CAPN5: variants seen among roughly 807,000 people sequenced by gnomAD.
The protein encoded by CAPN5 is calpain 5, also known as calpain-5.
CAPN5 carries 54 observed loss-of-function variants against 73.0 expected under a neutral mutation model. The ratio of observed to expected loss-of-function variants is 0.74; its 90% CI spans 0.59 to 0.93. The LOEUF (loss-of-function observed/expected upper bound fraction) is 0.93. Ranked by LOEUF, CAPN5 falls within the 40% of genes least tolerant of loss-of-function variation. The pLI is 0.00. For missense variants in CAPN5, 785 were observed against 882.9 expected (o/e 0.89, Z 1.41); for synonymous variants, 335 against 356.9 (o/e 0.94, Z 0.69).
rs375651367 is a variant in CAPN5, at chr11:77,073,436, C to T, written c.-36+6342C>T. On this transcript the variant is annotated intron_variant, in intron 1 of 12. Coordinates refer to ENST00000648180, the MANE Select transcript of CAPN5 (RefSeq NM_004055.5). The stretch of plus-strand genomic sequence containing the variant: ...TCCCTACACTCCCTCCTGCTCACAG[C>T]ACCCTGGGCGGGACCCAATTGCCAG... Among the ~76,000 whole-genome samples the T allele has an allele frequency of 2.2e-3, 333 of 152,332 alleles. 4 individuals are homozygous for T. Among genetic ancestry groups the T allele is most frequent in the African/African-American group, 7.5e-3 (313 of 41,578 alleles).
At chr11:77,117,193 A>G (rs1950476799) in intron 7 of CAPN5, among the ~76,000 whole-genome samples, 1 of 151,588 alleles carries the variant, frequency 6.6e-6, no homozygotes, top group African/African-American at 2.4e-5. Flanking sequence ...CCATGATCGC[A>G]CCACTGCACT....
At chr11:77,085,928 T>C (rs1240747219) in intron 2 of CAPN5, among the ~76,000 whole-genome samples, 3 of 152,158 alleles carry the variant, frequency 2.0e-5, no homozygotes, top group African/African-American at 2.4e-5. Context: ...GTCTCAAGGA[T>C]GCTCCAGGCT....
At chr11:77,089,628 TGAAG>T (rs1245336484) in intron 2 of CAPN5, among the ~76,000 whole-genome samples, 1 of 151,934 alleles carries the variant, frequency 6.6e-6, no homozygotes, top group African/African-American at 2.4e-5. Flanking sequence ...GGGAGACAGG[TGAAG>T]GAAGGATGGC....
intron 1 of CAPN5, among the ~76,000 whole-genome samples, chr11:77,071,219 C>T (rs765017935): frequency 8.0e-4 from 122 of 152,318 alleles, no homozygotes; most frequent in Non-Finnish European, 1.3e-3. Flanking sequence ...TGTCTCCCCT[C>T]CAGCCTGGGA....
intron 3 of CAPN5, among the ~76,000 whole-genome samples, chr11:77,105,563 G>C (rs1223404439): frequency 6.6e-6 from 1 of 152,178 alleles, no homozygotes; most frequent in African/African-American, 2.4e-5. Flanking sequence ...GGATGGAAGG[G>C]CAGAGTTTGA....
chr11:77,095,054 G>A (rs1344080545), intron 3 of CAPN5, among the ~76,000 whole-genome samples: 3 of 152,228 alleles, frequency 2.0e-5, no homozygotes, highest in African/African-American at 7.2e-5. Flanking sequence ...CCTAGCCCCA[G>A]TAGTCCTGCA....
chr11:77,072,840 C>A (rs147941035), intron 1 of CAPN5, among the ~76,000 whole-genome samples: 5 of 152,164 alleles, frequency 3.3e-5, no homozygotes, highest in Non-Finnish European at 7.4e-5. Flanking sequence ...GGTGATAAAC[C>A]CGCCAGATTG....
chr11:77,105,752 C>G (rs1405855443), intron 3 of CAPN5, among the ~76,000 whole-genome samples: 1 of 152,106 alleles, frequency 6.6e-6, no homozygotes, highest in Non-Finnish European at 1.5e-5. Context: ...CTGTGCTGGG[C>G]TAGACTGACA....
At chr11:77,085,486 T>C (rs1156245476) in intron 2 of CAPN5, among the ~76,000 whole-genome samples, 2 of 152,224 alleles carry the variant, frequency 1.3e-5, no homozygotes, top group African/African-American at 2.4e-5. Context: ...AAAGTATTTA[T>C]TATGATGATT....
At chr11:77,087,463 TC>T (rs1216472541) in intron 2 of CAPN5, among the ~76,000 whole-genome samples, 1 of 152,144 alleles carries the variant, frequency 6.6e-6, no homozygotes, top group Non-Finnish European at 1.5e-5. Context: ...TCTGAGTTGG[TC>T]CTTATAGTGG....
rs561877114 is a variant in CAPN5 at position 77,117,276 on chromosome 11, C to T, written c.972-881C>T. 1.1e-3 allele frequency among the ~76,000 whole-genome samples: 174 copies of T among 152,300 alleles called. 2 individuals are homozygous for T. The highest frequency in any genetic ancestry group is 1.3e-3 in the Non-Finnish European group (86 of 68,028). On this transcript the variant is annotated intron_variant, in intron 7 of 12. Coordinates refer to ENST00000648180, the MANE Select transcript of CAPN5 (RefSeq NM_004055.5). ...AACCCCAGTAGTAATAAAAGTTCATCCTGCATTCATCCAGCCTGCATGAGT... is the reference window on the plus strand; with the variant it reads ...AACCCCAGTAGTAATAAAAGTTCATTCTGCATTCATCCAGCCTGCATGAGT...
intron 10 of CAPN5, among the ~76,000 whole-genome samples, chr11:77,121,532 G>A (rs1267788159): frequency 2.0e-5 from 3 of 152,264 alleles, no homozygotes; most frequent in Admixed American, 6.5e-5. Context: ...GGGTCCTGCC[G>A]GCCCAGGCTC....
In CAPN5 at chr11:77,118,227, C is replaced by T. The variant is rs1253993437; in HGVS notation, c.1042C>T (p.Leu348=). Reference sequence around the variant, plus strand: ...GTGCCGCGTGATCAACACATCCCACCTGAGCATCCACAAGACGTGGGAGGA... The same window carrying T: ...GTGCCGCGTGATCAACACATCCCACTTGAGCATCCACAAGACGTGGGAGGA... ...IKCRVINTSH[L]SIHKTWEEAR... Residue 348 remains leucine (L), a synonymous_variant, in exon 8 of 13, where the codon CTG becomes TTG. Transcript: ENST00000648180. 3 of 1,614,052 alleles carry T rather than the reference C, an allele frequency of 1.9e-6. No individual in the cohort carries two copies. The highest frequency in any genetic ancestry group is 2.7e-5 in the African/African-American group (2 of 74,934).
chr11:77,122,491 G>A, intron 11 of CAPN5, 85 bp from the exon 12 acceptor site: 1 of 1,153,732 alleles, frequency 8.7e-7, no homozygotes, highest in Admixed American at 2.0e-5. Flanking sequence ...AACTGAGCCG[G>A]GTGGGCATCT....
At chr11:77,117,363 C>T (rs1466666379) in intron 7 of CAPN5, among the ~76,000 whole-genome samples, 1 of 152,198 alleles carries the variant, frequency 6.6e-6, no homozygotes, top group Non-Finnish European at 1.5e-5. Flanking sequence ...AACTCAGTCC[C>T]TTCCTGGAGG....
At chr11:77,097,464 G>GTT (rs58077755) in intron 3 of CAPN5, among the ~76,000 whole-genome samples, 4,871 of 79,650 alleles carry the variant, frequency 0.061, 353 homozygotes, top group East Asian at 0.15. Context: ...TTTCCTTCTA[G>GTT]TTTTTTTTTT....
rs370957259 is a variant in CAPN5 at position 77,117,756 on chromosome 11, T to C, written c.972-401T>C. Among the ~76,000 whole-genome samples the C allele has an allele frequency of 2.1e-4, 32 of 152,296 alleles. No individual in the cohort carries two copies. In the East Asian group the frequency reaches 2.1e-3, roughly 10 times the overall value. On this transcript the variant is annotated intron_variant, in intron 7 of 12. Coordinates refer to ENST00000648180, the MANE Select transcript of CAPN5 (RefSeq NM_004055.5). ...CAGGCCTCTCAACAGCCATGGAAGA[T>C]CCTGGATGCAGATGTGCTTTATAAA...
At chr11:77,085,233 C>T (rs1302577728) in intron 2 of CAPN5, among the ~76,000 whole-genome samples, 182 bp downstream of exon 2, 1 of 152,190 alleles carries the variant, frequency 6.6e-6, no homozygotes, top group Non-Finnish European at 1.5e-5. Context: ...GGCTGTAATC[C>T]TGTGGCCACC....
intron 3 of CAPN5, among the ~76,000 whole-genome samples, chr11:77,105,893 C>T (rs954782239): frequency 2.0e-4 from 30 of 152,320 alleles, no homozygotes; most frequent in Admixed American, 7.8e-4. Context: ...CCAGAGGAGG[C>T]GGCCTCCTGC....
Sources: allele counts gnomAD v4.1 joint callset (sites outside exome capture counted in the v4.1 genomes callset), GRCh38; gene constraint gnomAD v4.1.1; transcripts MANE v1.5; gene names NCBI Gene and HGNC (gene_info 2026-07-23, HGNC 2026-07-21).